The following RPS8 variants were observed in gnomAD, a reference collection of about 807,000 sequenced individuals.
The protein encoded by RPS8 is small ribosomal subunit protein eS8.
For synonymous variants in RPS8, 100 were observed against 100.7 expected (o/e 0.99, Z 0.04); for missense variants, 141 against 269.7 (o/e 0.52, Z 3.34).
At chr1:44,776,901 C>CG (rs1557608901) in intron 3 of RPS8, 127 bp downstream of exon 3, 57 of 614,654 alleles carry the variant, frequency 9.3e-5, no homozygotes, top group Non-Finnish European at 1.4e-4. Context: ...GCGGGCGGAT[C>CG]ACCTGAGGTC....
At position 44,777,615 on chromosome 1, in the gene RPS8, T is replaced by C; in HGVS notation, c.213T>C (p.Cys71=). 2 of 1,613,044 alleles carry C rather than the reference T, an allele frequency of 1.2e-6. No individual in the cohort carries two copies. The highest frequency in any genetic ancestry group is 1.1e-5 in the South Asian group (1 of 91,008). ...ATGCCAAATTTCTCCTGTGAGCAGG[T>C]TGTACTCGTAAAACAAGGATCATCG... ...DVGNFSWGSE[C]CTRKTRIIDV... The change falls in exon 4 of 6, where the codon TGT becomes TGC. Residue 71 remains cysteine (C), a splice_region_variant and synonymous_variant. Transcript: ENST00000396651.
At chr1:44,778,513 G>T (rs561860661) in intron 5 of RPS8, 63 bp from the exon 6 acceptor site, 1 of 1,300,154 alleles carries the variant, frequency 7.7e-7, no homozygotes, top group Non-Finnish European at 1.1e-6. Context: ...ATTCTTAAGC[G>T]GGTGGAGAGG....
In RPS8 at chr1:44,777,996, T is replaced by A; in HGVS notation, c.388-4T>A. On this transcript the variant is annotated splice_region_variant and splice_polypyrimidine_tract_variant and intron_variant, in intron 4 of 5. Transcript: ENST00000396651. ...GAGCTCATATATTTGTATCCCCTTT[T>A]CAGACTCCTGAGGAAGAAGAGATTT... 5 of 1,613,646 alleles carry A rather than the reference T, an allele frequency of 3.1e-6. No homozygotes were observed. Among genetic ancestry groups the A allele is most frequent in the Non-Finnish European group, 4.2e-6 (5 of 1,179,932 alleles).
At chr1:44,776,369 T>C (rs1429279523) in intron 2 of RPS8, 1 of 692,998 alleles carries the variant, frequency 1.4e-6, no homozygotes, top group Non-Finnish European at 2.6e-6. Flanking sequence ...AGAAGGATAC[T>C]GTGTGGGGAC....
At chr1:44,776,920 G>A (rs546844984) in intron 3 of RPS8, 146 bp downstream of exon 3, 3 of 573,500 alleles carry the variant, frequency 5.2e-6, no homozygotes, top group Admixed American at 3.5e-5. Flanking sequence ...TCAGGAGTTC[G>A]AGTCCAGCCT....
intron 1 of RPS8, 179 bp downstream of exon 1, chr1:44,775,779 G>A: frequency 2.2e-6 from 2 of 927,316 alleles, no homozygotes; most frequent in Non-Finnish European, 3.4e-6. Context: ...CGAAGGCTCT[G>A]GGCTCCGGGT....
At chr1:44,776,863 T>A (rs1650873608) in intron 3 of RPS8, 89 bp downstream of exon 3, 2 of 967,096 alleles carry the variant, frequency 2.1e-6, no homozygotes, top group Non-Finnish European at 3.1e-6. Flanking sequence ...GGCTCACGCC[T>A]ATAAGCCCAG....
chr1:44,776,491 A>G, intron 2 of RPS8, 184 bp from the exon 3 acceptor site: 2 of 765,922 alleles, frequency 2.6e-6, no homozygotes, highest in East Asian at 2.4e-5. Flanking sequence ...CTTGGAGGCA[A>G]GTAGGGTGAT....
chr1:44,775,655 C>G, intron 1 of RPS8, 55 bp downstream of exon 1: 4 of 1,610,522 alleles, frequency 2.5e-6, no homozygotes, highest in Non-Finnish European at 3.4e-6. Flanking sequence ...CAATCAGGCC[C>G]CATCCTGCTT....
At chr1:44,775,855 C>A in intron 1 of RPS8, 179 bp from the exon 2 acceptor site, 1 of 813,338 alleles carries the variant, frequency 1.2e-6, no homozygotes, top group Non-Finnish European at 2.2e-6. Context: ...AGGCCCCGGC[C>A]TGGCCGCACG....
In RPS8 at chr1:44,777,681, C is replaced by G. The variant is rs553120843; in HGVS notation, c.279C>G (p.Thr93=). ...CATCTAATAACGAGCTGGTTCGTAC[C>G]AAGACCCTGGTGAAGAATTGCATCG... is the stretch of plus-strand genomic sequence containing the variant. ...YNASNNELVR[T]KTLVKNCIVL... The change falls in exon 4 of 6, where the codon ACC becomes ACG. Residue 93 remains threonine (T), a synonymous_variant. Coordinates refer to ENST00000396651, the MANE Select transcript of RPS8 (RefSeq NM_001012.2). 3.7e-6 allele frequency: 6 copies of G among 1,613,876 alleles called. No individual in the cohort carries two copies. The highest frequency in any genetic ancestry group is 1.3e-5 in the African/African-American group (1 of 75,054).
chr1:44,777,554 G>T, intron 3 of RPS8, 60 bp from the exon 4 acceptor site: 2 of 1,371,504 alleles, frequency 1.5e-6, no homozygotes, highest in Non-Finnish European at 2.1e-6. Flanking sequence ...GAACCTGGAG[G>T]AGTGTGCCAG....
chr1:44,778,255 C>T (rs555528457), intron 5 of RPS8, 126 bp downstream of exon 5: 30 of 1,230,478 alleles, frequency 2.4e-5, no homozygotes, highest in East Asian at 1.6e-4. Flanking sequence ...TAACAGGCTG[C>T]GAGCACAAAG....
At chr1:44,777,494 G>C in intron 3 of RPS8, 120 bp from the exon 4 acceptor site, 1 of 804,358 alleles carries the variant, frequency 1.2e-6, no homozygotes, top group Non-Finnish European at 2.0e-6. Context: ...CCCATGGCTT[G>C]TAAAGGCTGA....
intron 4 of RPS8, 76 bp from the exon 5 acceptor site, chr1:44,777,924 G>C: frequency 6.3e-7 from 1 of 1,582,066 alleles, no homozygotes; most frequent in Non-Finnish European, 8.7e-7. Flanking sequence ...GCCAGCACTG[G>C]GGTGTGCAGG....
chr1:44,777,872 C>G (rs750836956), intron 4 of RPS8, 83 bp downstream of exon 4: 2 of 1,576,366 alleles, frequency 1.3e-6, no homozygotes, highest in South Asian at 2.2e-5. Flanking sequence ...TCCAGTTCTG[C>G]TACTGAAGGG....
chr1:44,777,962 T>G (rs372873476), intron 4 of RPS8, 38 bp from the exon 5 acceptor site: 49 of 1,612,848 alleles, frequency 3.0e-5, no homozygotes, highest in Admixed American at 2.3e-4. Flanking sequence ...GGGCCTGCCT[T>G]CCTTCCCTGA....
chr1:44,777,957 T>G, intron 4 of RPS8, 43 bp from the exon 5 acceptor site: 1 of 1,612,552 alleles, frequency 6.2e-7, no homozygotes, highest in Non-Finnish European at 8.5e-7. Context: ...TCCCAGGGCC[T>G]GCCTTCCTTC....
intron 3 of RPS8, chr1:44,777,097 T>C (rs933651170): frequency 4.5e-5 from 11 of 245,146 alleles, no homozygotes; most frequent in Non-Finnish European, 7.1e-5. Flanking sequence ...TTTTTTGAGA[T>C]TGGGTCTCTG....
Sources: gnomAD v4.1 joint callset for allele counts on GRCh38, gnomAD v4.1.1 for gene constraint, MANE v1.5 for transcripts, NCBI Gene and HGNC (gene_info 2026-07-23, HGNC 2026-07-21) for gene names.